The following WDR70 variants were observed in gnomAD, a reference collection of about 807,000 sequenced individuals.
The protein encoded by WDR70 is WD repeat domain 70.
A neutral mutation model predicts 88.6 loss-of-function variants in WDR70; 53 were observed. The observed-to-expected ratio is 0.60, with a 90% CI of 0.48 to 0.75. The LOEUF is 0.75. WDR70 is among the 30% of genes least tolerant of loss of function. The probability of loss-of-function intolerance (pLI) is 0.00; values close to 1 mark genes in which losing one functional copy is unlikely to be tolerated. For missense variants in WDR70, 610 were observed against 823.2 expected, an observed-to-expected ratio of 0.74 and a Z score of 3.17; for synonymous variants, 280 against 270.0, an observed-to-expected ratio of 1.04 and a Z score of -0.36.
chr5:37,640,531 C>A (rs1472302559), intron 10 of WDR70, among the ~76,000 whole-genome samples: 1 of 152,120 alleles, frequency 6.6e-6, no homozygotes, highest in Non-Finnish European at 1.5e-5. Flanking sequence ...ACATTTAGAT[C>A]TACAGACTTT....
intron 9 of WDR70, among the ~76,000 whole-genome samples, chr5:37,533,847 T>C (rs1741574231): frequency 1.3e-5 from 2 of 152,258 alleles, no homozygotes; most frequent in African/African-American, 4.8e-5. Flanking sequence ...TAAAGGCCAG[T>C]CTCATTCCTG....
chr5:37,625,768 A>G (rs769592658), intron 10 of WDR70, among the ~76,000 whole-genome samples: 10 of 151,992 alleles, frequency 6.6e-5, no homozygotes, highest in Non-Finnish European at 1.5e-4. Flanking sequence ...ACCTCAAGTG[A>G]TCTGCCCGCC....
At chr5:37,674,083 A>G (rs148777753) in intron 10 of WDR70, among the ~76,000 whole-genome samples, 189 of 151,770 alleles carry the variant, frequency 1.2e-3, no homozygotes, top group African/African-American at 4.2e-3. Flanking sequence ...GAGCATATGC[A>G]TGCATGTGTC....
chr5:37,727,145 T>C (rs1160240804), intron 17 of WDR70, 100 bp downstream of exon 17: 4 of 1,423,508 alleles, frequency 2.8e-6, no homozygotes. Context: ...CTATTTCTTA[T>C]TTCATACTTA....
At chr5:37,624,670 G>A (rs969979525) in intron 10 of WDR70, among the ~76,000 whole-genome samples, 5 of 152,178 alleles carry the variant, frequency 3.3e-5, no homozygotes, top group Non-Finnish European at 5.9e-5. Flanking sequence ...ATATATGGGA[G>A]CCTTCGGAAT....
At chr5:37,744,860 T>G (rs989322450) in intron 17 of WDR70, among the ~76,000 whole-genome samples, 2 of 151,684 alleles carry the variant, frequency 1.3e-5, no homozygotes, top group African/African-American at 2.4e-5. Context: ...GAAAACACAC[T>G]TCAGGATATT....
chr5:37,460,547 G>A (rs1201918353), intron 7 of WDR70, among the ~76,000 whole-genome samples: 1 of 67,528 alleles, frequency 1.5e-5, no homozygotes, highest in East Asian at 4.5e-4. Context: ...TGGTGAGGTC[G>A]GGGGAGGGGG....
At chr5:37,742,903 A>C (rs1319776170) in intron 17 of WDR70, among the ~76,000 whole-genome samples, 1 of 152,238 alleles carries the variant, frequency 6.6e-6, no homozygotes, top group Non-Finnish European at 1.5e-5. Context: ...ATTGCCAGGA[A>C]AATCTAGAGT....
chr5:37,411,865 A>G (rs1253295037), intron 5 of WDR70, among the ~76,000 whole-genome samples: 1 of 152,126 alleles, frequency 6.6e-6, no homozygotes, highest in Non-Finnish European at 1.5e-5. Flanking sequence ...TTCAGTTACT[A>G]GTTAGTAGTT....
chr5:37,469,443 G>C (rs1739259919), intron 7 of WDR70, among the ~76,000 whole-genome samples: 1 of 152,136 alleles, frequency 6.6e-6, no homozygotes, highest in African/African-American at 2.4e-5. Flanking sequence ...CACTTTACTA[G>C]GGAATTAGCA....
At chr5:37,565,383 T>C (rs1288174002) in intron 9 of WDR70, among the ~76,000 whole-genome samples, 1 of 152,194 alleles carries the variant, frequency 6.6e-6, no homozygotes, top group Non-Finnish European at 1.5e-5. Context: ...AATCCCTTTT[T>C]TCTTCTCTTC....
At chr5:37,670,301 T>G (rs567319809) in intron 10 of WDR70, among the ~76,000 whole-genome samples, 1 of 152,210 alleles carries the variant, frequency 6.6e-6, no homozygotes, top group East Asian at 1.9e-4. Context: ...GGAATTCCAT[T>G]TATCCTCCAC....
chr5:37,515,019 G>GAAAAAAA (rs770128168), intron 8 of WDR70, among the ~76,000 whole-genome samples: 2 of 53,002 alleles, frequency 3.8e-5, no homozygotes. Flanking sequence ...CCTGTCTCAA[G>GAAAAAAA]AAAAAAAAAA....
chr5:37,752,373 T>A (rs1314747385), intron 17 of WDR70, 113 bp from the exon 18 acceptor site: 1 of 660,806 alleles, frequency 1.5e-6, no homozygotes, highest in Non-Finnish European at 2.6e-6. Flanking sequence ...ATTTAATAAT[T>A]GAGTTGTAAT....
intron 9 of WDR70, among the ~76,000 whole-genome samples, chr5:37,537,230 G>A (rs1329456412): frequency 1.3e-5 from 2 of 152,118 alleles, no homozygotes; most frequent in African/African-American, 4.8e-5. Context: ...AAAATTTTGG[G>A]AAAATATCCA....
intron 10 of WDR70, among the ~76,000 whole-genome samples, chr5:37,688,705 A>G (rs902873709): frequency 4.0e-5 from 6 of 151,686 alleles, no homozygotes; most frequent in Non-Finnish European, 8.8e-5. Flanking sequence ...AAAATAAGCA[A>G]ATTTAGGTTT....
intron 4 of WDR70, among the ~76,000 whole-genome samples, chr5:37,393,715 C>T (rs1003730471): frequency 6.6e-6 from 1 of 151,994 alleles, no homozygotes; most frequent in Non-Finnish European, 1.5e-5. Flanking sequence ...GGGTTTCACT[C>T]GGTCACCCAG....
intron 9 of WDR70, among the ~76,000 whole-genome samples, chr5:37,536,219 GAT>G (rs1464445174): frequency 6.6e-6 from 1 of 152,134 alleles, no homozygotes; most frequent in Non-Finnish European, 1.5e-5. Flanking sequence ...TTTTAGATAA[GAT>G]ATATGTATAT....
At chr5:37,626,580 G>T (rs1744671770) in intron 10 of WDR70, among the ~76,000 whole-genome samples, 1 of 152,112 alleles carries the variant, frequency 6.6e-6, no homozygotes, top group South Asian at 2.1e-4. Context: ...TCCGCTTGTT[G>T]TCGTTGTTGT....
Sources: allele counts gnomAD v4.1 joint callset (sites outside exome capture counted in the v4.1 genomes callset), GRCh38; gene constraint gnomAD v4.1.1; transcripts MANE v1.5; gene names NCBI Gene and HGNC (gene_info 2026-07-23, HGNC 2026-07-21).